HERC1: variants seen among roughly 807,000 people sequenced by gnomAD.
HERC1 encodes probable E3 ubiquitin-protein ligase HERC1.
HERC1 carries 160 observed loss-of-function variants against 554.3 expected under a neutral mutation model. The observed-to-expected ratio is 0.29, with a 90% CI of 0.25 to 0.33. The LOEUF (loss-of-function observed/expected upper bound fraction) is 0.33. Among genes scored for constraint, HERC1 ranks in the 10% least tolerant of loss-of-function variants. The probability of loss-of-function intolerance (pLI) is 1.00; values close to 1 mark genes in which losing one functional copy is unlikely to be tolerated. For missense variants in HERC1, 4,919 were observed against 5,918.5 expected (o/e 0.83, Z 5.54); for synonymous variants, 2,175 against 2,131.7 (o/e 1.02, Z -0.56).
intron 16 of HERC1, among the ~76,000 whole-genome samples, chr15:63,728,101 T>C (rs977808402): frequency 3.9e-5 from 6 of 152,226 alleles, no homozygotes; most frequent in Admixed American, 2.0e-4. Context: ...AAATTCATTA[T>C]GAATTTCTCA....
intron 65 of HERC1, 103 bp downstream of exon 65, chr15:63,635,858 G>T: frequency 1.7e-6 from 2 of 1,174,278 alleles, no homozygotes; most frequent in Non-Finnish European, 2.4e-6. Flanking sequence ...TAATTACTGT[G>T]TAATATATTT....
intron 1 of HERC1, among the ~76,000 whole-genome samples, chr15:63,797,730 T>G (rs898708580): frequency 6.6e-6 from 1 of 152,244 alleles, no homozygotes; most frequent in Non-Finnish European, 1.5e-5. Flanking sequence ...TTAATTGATT[T>G]TGTCTGCGCA....
chr15:63,716,238 G>T, intron 22 of HERC1, 64 bp downstream of exon 22: 2 of 1,444,468 alleles, frequency 1.4e-6, no homozygotes, highest in Non-Finnish European at 1.9e-6. Flanking sequence ...TCTCTTTCAA[G>T]TTAGTTCCCC....
At chr15:63,717,501 C>A (rs2073610189) in intron 21 of HERC1, among the ~76,000 whole-genome samples, 1 of 152,176 alleles carries the variant, frequency 6.6e-6, no homozygotes, top group Non-Finnish European at 1.5e-5. Context: ...ATCAAGATTA[C>A]CAAGCACTTT....
chr15:63,615,775 T>C lies in HERC1; in HGVS notation c.14087A>G (p.Asp4696Gly), dbSNP rs2067788867. ...CGAGATGTTTCATCTCACCTGTCTG[T>C]CCATCTCATGAAGTCGATATTCAAT... ...RAIEYRLHEM[D>G]RQVAAVREGM... Residue 4696 changes from aspartate (D) to glycine (G), a missense_variant, in exon 76 of 78, where the codon GAC (aspartate) becomes GGC (glycine). Asp to Gly is a moderately conservative substitution (Grantham distance 94, BLOSUM62 -1). Around this residue, in one of 11 missense-constraint regions of HERC1, gnomAD observed 284 missense variants for 294.1 expected, o/e 0.97. Transcript: ENST00000443617. 2 of 1,591,304 alleles carry C rather than the reference T, an allele frequency of 1.3e-6. No individual in the cohort carries two copies. Among genetic ancestry groups the C allele is most frequent in the South Asian group, 2.3e-5 (2 of 85,936 alleles).
At chr15:63,717,823 G>A (rs1311231342) in intron 21 of HERC1, among the ~76,000 whole-genome samples, 2 of 152,208 alleles carry the variant, frequency 1.3e-5, no homozygotes, top group Non-Finnish European at 2.9e-5. Flanking sequence ...AGTGAGCCAA[G>A]ATCATGCCAC....
intron 76 of HERC1, among the ~76,000 whole-genome samples, chr15:63,614,940 AAAGT>A (rs1218886825): frequency 3.3e-5 from 5 of 152,356 alleles, no homozygotes; most frequent in African/African-American, 1.2e-4. Context: ...GAGGAACTTC[AAAGT>A]AAGGAAAAAG....
At chr15:63,818,919 A>C (rs1167011165) in intron 1 of HERC1, among the ~76,000 whole-genome samples, 1 of 152,236 alleles carries the variant, frequency 6.6e-6, no homozygotes, top group Non-Finnish European at 1.5e-5. Flanking sequence ...ATTGGTTTAA[A>C]AGATATTATA....
chr15:63,672,735 G>A (rs766066393), intron 38 of HERC1, 41 bp from the exon 39 acceptor site: 2 of 1,404,400 alleles, frequency 1.4e-6, no homozygotes, highest in South Asian at 1.4e-5. Context: ...GTAAGGATTT[G>A]TTTTTTCAAA....
chr15:63,749,068 A>T lies in HERC1; in HGVS notation c.2219+299T>A, dbSNP rs568417231. On this transcript the variant is annotated intron_variant, in intron 10 of 77. Transcript: ENST00000443617. The surrounding 1 kb of genome is among the most constrained non-coding windows in gnomAD (Gnocchi z 4.1). Reference sequence around the variant, plus strand: ...TTAATTATTTTAATTTCCTCTTGATATGCAGATATTTAATTTTTTTAAATC... The same window carrying T: ...TTAATTATTTTAATTTCCTCTTGATTTGCAGATATTTAATTTTTTTAAATC... 3.0e-4 allele frequency among the ~76,000 whole-genome samples: 46 copies of T among 152,166 alleles called. No individual in the cohort carries two copies. Among genetic ancestry groups the T allele is most frequent in the Non-Finnish European group, 6.2e-4 (42 of 68,016 alleles).
chr15:63,785,546 A>G (rs1448206415), intron 1 of HERC1, among the ~76,000 whole-genome samples: 4 of 152,176 alleles, frequency 2.6e-5, no homozygotes, highest in Non-Finnish European at 5.9e-5. Context: ...AGGTGGGCGG[A>G]TCACTTGAGC....
At chr15:63,635,062 TA>T (rs924281234) in intron 65 of HERC1, 174 bp from the exon 66 acceptor site, 1 of 450,288 alleles carries the variant, frequency 2.2e-6, no homozygotes, top group African/African-American at 2.0e-5. Flanking sequence ...TTTTAAATTT[TA>T]AAGAGACAGT....
At position 63,677,231 on chromosome 15, in the gene HERC1, T is replaced by C. The variant is rs1294887064; in HGVS notation, c.7070+614A>G. ...CAACCTGCATTTCCTTGTAAACATA[T>C]GAAATTTGTAATTTGCACAAATCCT... On this transcript the variant is annotated intron_variant, in intron 37 of 77. Coordinates refer to ENST00000443617, the MANE Select transcript of HERC1 (RefSeq NM_003922.4). The surrounding 1 kb of genome is among the most constrained non-coding windows in gnomAD (Gnocchi z 4.4). 1.3e-5 allele frequency among the ~76,000 whole-genome samples: 2 copies of C among 152,232 alleles called. No individual in the cohort carries two copies. Among genetic ancestry groups the C allele is most frequent in the Non-Finnish European group, 2.9e-5 (2 of 68,034 alleles).
At chr15:63,651,184 T>A (rs994324312) in intron 53 of HERC1, 69 bp downstream of exon 53, 1 of 1,440,492 alleles carries the variant, frequency 6.9e-7, no homozygotes, top group African/African-American at 1.4e-5. Context: ...CTGTTTGGAC[T>A]CAGAAGACTA....
At chr15:63,666,602 G>A in intron 40 of HERC1, 130 bp from the exon 41 acceptor site, 1 of 613,874 alleles carries the variant, frequency 1.6e-6, no homozygotes, top group Non-Finnish European at 2.9e-6. Context: ...AGAATATGTG[G>A]CTGGGCACTG....
chr15:63,802,426 C>T (rs1037115126), intron 1 of HERC1, among the ~76,000 whole-genome samples: 3 of 152,174 alleles, frequency 2.0e-5, no homozygotes, highest in Non-Finnish European at 4.4e-5. Flanking sequence ...CGTGCCTATT[C>T]GGTGAGTAAA....
chr15:63,752,848 G>A, intron 8 of HERC1, 110 bp downstream of exon 8: 1 of 1,016,964 alleles, frequency 9.8e-7, no homozygotes, highest in South Asian at 1.8e-5. Flanking sequence ...TTAGCATGTT[G>A]CCTAAAAATG....
At chr15:63,740,013 C>A (rs1052146729) in intron 12 of HERC1, among the ~76,000 whole-genome samples, 1 of 152,044 alleles carries the variant, frequency 6.6e-6, no homozygotes, top group African/African-American at 2.4e-5. Flanking sequence ...CGGTTTCAAG[C>A]AATTCTTGTG....
At chr15:63,811,685 TG>T (rs1398534125) in intron 1 of HERC1, among the ~76,000 whole-genome samples, 1 of 151,706 alleles carries the variant, frequency 6.6e-6, no homozygotes, top group Non-Finnish European at 1.5e-5. Context: ...GGCAGGTGCC[TG>T]TAGTCCCAGC....
Sources: gnomAD v4.1 joint callset for allele counts (sites outside exome capture counted in the v4.1 genomes callset) on GRCh38, gnomAD v4.1.1 for gene constraint, gnomAD v4.1.1 regional missense constraint, Gnocchi (gnomAD v3.1) non-coding constraint, MANE v1.5 for transcripts, NCBI Gene and HGNC (gene_info 2026-07-23, HGNC 2026-07-21) for gene names.